Variants in EYS observed in about 807,000 individuals in gnomAD.
EYS encodes protein eyes shut homolog.
EYS carries 250 observed loss-of-function variants against 282.1 expected under a neutral mutation model. That is an observed-to-expected ratio of 0.89 (90% CI 0.80 to 0.98). The LOEUF is 0.98. Among genes scored for constraint, EYS ranks in the 50% least tolerant of loss-of-function variants. The probability of loss-of-function intolerance (pLI) is 0.00; values close to 1 mark genes in which losing one functional copy is unlikely to be tolerated. For missense variants in EYS, 4,016 were observed against 3,709.0 expected, an observed-to-expected ratio of 1.08 and a Z score of -2.15; for synonymous variants, 1,355 against 1,282.9, an observed-to-expected ratio of 1.06 and a Z score of -1.20.
chr6:65,621,730 C>T (rs1401981665), intron 2 of EYS, among the ~76,000 whole-genome samples: 3 of 151,644 alleles, frequency 2.0e-5, no homozygotes, highest in Non-Finnish European at 2.9e-5. Context: ...CCTTCAGGAG[C>T]TCTTTTAGGG....
At chr6:65,022,812 A>G (rs551743852) in intron 13 of EYS, among the ~76,000 whole-genome samples, 2 of 151,876 alleles carry the variant, frequency 1.3e-5, no homozygotes, top group South Asian at 2.1e-4. Context: ...CTTATAATGC[A>G]TAAAGACATC....
intron 12 of EYS, among the ~76,000 whole-genome samples, chr6:65,086,026 T>C (rs1315959182): frequency 2.1e-5 from 3 of 142,098 alleles, no homozygotes; most frequent in Admixed American, 1.4e-4. Context: ...CACCTTCTCC[T>C]CTTTTTTTTT....
chr6:65,118,026 G>A (rs1377606090), intron 12 of EYS, among the ~76,000 whole-genome samples: 4 of 152,138 alleles, frequency 2.6e-5, no homozygotes, highest in Non-Finnish European at 4.4e-5. Flanking sequence ...CTGATAGTAC[G>A]AGGAAGAATG....
At chr6:64,586,349 G>T (rs1377795215) in intron 26 of EYS, among the ~76,000 whole-genome samples, 2 of 151,996 alleles carry the variant, frequency 1.3e-5, no homozygotes, top group Non-Finnish European at 2.9e-5. Context: ...TGTAATATCA[G>T]CACAAATAGA....
chr6:63,938,311 A>G (rs2149756160), intron 35 of EYS, among the ~76,000 whole-genome samples: 1 of 152,292 alleles, frequency 6.6e-6, no homozygotes. Context: ...AAATATGGTT[A>G]AAATAACTAG....
intron 16 of EYS, among the ~76,000 whole-genome samples, chr6:64,904,412 T>G (rs992360022): frequency 1.3e-5 from 2 of 152,188 alleles, no homozygotes; most frequent in Admixed American, 1.3e-4. Flanking sequence ...GGTGAGCAAG[T>G]TGTAATTGTT....
intron 2 of EYS, among the ~76,000 whole-genome samples, chr6:65,577,750 T>TA (rs367879550): frequency 0.19 from 26,878 of 143,752 alleles, 2,963 homozygotes; most frequent in African/African-American, 0.31. Context: ...AAGCCTGTTT[T>TA]AAAAAAAAAA....
intron 12 of EYS, among the ~76,000 whole-genome samples, chr6:65,068,689 G>A (rs772523249): frequency 1.3e-5 from 2 of 151,850 alleles, no homozygotes; most frequent in African/African-American, 2.4e-5. Context: ...AGCTACCTCT[G>A]GCTTCAAGAA....
At chr6:64,206,018 G>A (rs1184072556) in intron 31 of EYS, among the ~76,000 whole-genome samples, 1 of 151,930 alleles carries the variant, frequency 6.6e-6, no homozygotes, top group Admixed American at 6.6e-5. Context: ...GAATGCATCA[G>A]GTTTTTAATT....
intron 22 of EYS, among the ~76,000 whole-genome samples, chr6:64,680,613 C>T (rs1769864154): frequency 6.6e-6 from 1 of 152,178 alleles, no homozygotes; most frequent in Non-Finnish European, 1.5e-5. Flanking sequence ...AGGTTAAGAT[C>T]CTGGTTAGTG....
chr6:64,418,810 G>C (rs1308520781), intron 28 of EYS, among the ~76,000 whole-genome samples: 4 of 152,022 alleles, frequency 2.6e-5, no homozygotes, highest in Non-Finnish European at 4.4e-5. Flanking sequence ...TTTCACCAGA[G>C]TCATGCTCCT....
chr6:63,963,593 G>A (rs547895171), intron 35 of EYS, among the ~76,000 whole-genome samples: 41 of 152,140 alleles, frequency 2.7e-4, no homozygotes, highest in African/African-American at 9.9e-4. Flanking sequence ...CTGGGCGAGG[G>A]GACAGCTTAT....
intron 29 of EYS, among the ~76,000 whole-genome samples, chr6:64,366,293 T>G (rs1486269706): frequency 3.3e-5 from 5 of 151,854 alleles, no homozygotes; most frequent in Admixed American, 3.3e-4. Context: ...GCTTTTGTGC[T>G]CCAAAAAGGG....
chr6:64,950,131 A>G (rs990691175), intron 14 of EYS, among the ~76,000 whole-genome samples: 7 of 152,026 alleles, frequency 4.6e-5, no homozygotes, highest in Non-Finnish European at 1.0e-4. Flanking sequence ...AGCAATATGT[A>G]ATTTATGAAC....
chr6:64,482,545 C>A (rs962436352), intron 26 of EYS, among the ~76,000 whole-genome samples: 1 of 151,592 alleles, frequency 6.6e-6, no homozygotes, highest in Non-Finnish European at 1.5e-5. Context: ...ATAGTAGTTT[C>A]TATCTCACAG....
chr6:65,179,337 A>G (rs1765311962), intron 12 of EYS, among the ~76,000 whole-genome samples: 1 of 152,144 alleles, frequency 6.6e-6, no homozygotes, highest in Admixed American at 6.6e-5. Context: ...TAAAGAAGAG[A>G]GAAGAATCAA....
chr6:64,578,163 G>A (rs1334035289), intron 26 of EYS, among the ~76,000 whole-genome samples: 1 of 151,882 alleles, frequency 6.6e-6, no homozygotes, highest in East Asian at 1.9e-4. Context: ...AGCCAGAGTG[G>A]TCACTCAAAT....
chr6:65,587,603 A>G (rs1765097335), intron 2 of EYS, among the ~76,000 whole-genome samples: 1 of 152,190 alleles, frequency 6.6e-6, no homozygotes, highest in East Asian at 1.9e-4. Context: ...GCCTTCCTTT[A>G]TAAATACTCA....
chr6:65,076,685 C>T (rs73765754), intron 12 of EYS, among the ~76,000 whole-genome samples: 4,701 of 87,698 alleles, frequency 0.054, 228 homozygotes, highest in African/African-American at 0.13. Flanking sequence ...TAAATATATA[C>T]ACACACACAC....
Sources: allele counts gnomAD v4.1 joint callset (sites outside exome capture counted in the v4.1 genomes callset), GRCh38; gene constraint gnomAD v4.1.1; transcripts MANE v1.5; gene names NCBI Gene and HGNC (gene_info 2026-07-23, HGNC 2026-07-21).